The following CNTNAP5 variants were observed in gnomAD, a reference collection of about 807,000 sequenced individuals.
The protein encoded by CNTNAP5 is contactin associated protein family member 5, also known as contactin-associated protein-like 5.
A neutral mutation model predicts 150.2 loss-of-function variants in CNTNAP5; 72 were observed. The observed-to-expected ratio is 0.48, with a 90% CI of 0.40 to 0.58. The LOEUF is 0.58. CNTNAP5 is among the 20% of genes least tolerant of loss of function. The pLI, the probability that CNTNAP5 is intolerant of heterozygous loss-of-function variation, is 0.00. For synonymous variants in CNTNAP5, 672 were observed against 619.8 expected (o/e 1.08, Z -1.25); for missense variants, 1,636 against 1,626.2 (o/e 1.01, Z -0.10).
intron 19 of CNTNAP5, among the ~76,000 whole-genome samples, chr2:124,829,960 T>G (rs935257361): frequency 2.6e-5 from 4 of 151,518 alleles, no homozygotes; most frequent in Non-Finnish European, 5.9e-5. Context: ...ATTAATAACA[T>G]TTATAAAAAT....
intron 3 of CNTNAP5, among the ~76,000 whole-genome samples, chr2:124,302,750 T>C (rs1245334317): frequency 6.6e-6 from 1 of 152,206 alleles, no homozygotes; most frequent in Non-Finnish European, 1.5e-5. Flanking sequence ...CCCATTTTTG[T>C]CATCTGTAGA....
At chr2:124,447,397 G>A (rs1001143775) in intron 6 of CNTNAP5, among the ~76,000 whole-genome samples, 1 of 152,196 alleles carries the variant, frequency 6.6e-6, no homozygotes, top group African/African-American at 2.4e-5. Flanking sequence ...ACCGTGGCGA[G>A]CTGTTTCTTC....
At chr2:124,823,959 C>T (rs1210715472) in intron 19 of CNTNAP5, among the ~76,000 whole-genome samples, 1 of 142,000 alleles carries the variant, frequency 7.0e-6, no homozygotes, top group African/African-American at 2.7e-5. Flanking sequence ...ACTCTTGTTT[C>T]CCAGGCTGAA....
At chr2:124,792,088 C>A (rs1421738689) in intron 18 of CNTNAP5, among the ~76,000 whole-genome samples, 2 of 151,992 alleles carry the variant, frequency 1.3e-5, no homozygotes, top group Admixed American at 6.6e-5. Context: ...ATTGGGGCAG[C>A]CTTCCATGCT....
chr2:124,526,646 G>A (rs938914850), intron 9 of CNTNAP5, among the ~76,000 whole-genome samples: 1 of 152,130 alleles, frequency 6.6e-6, no homozygotes, highest in Non-Finnish European at 1.5e-5. Context: ...CTTTAAAAAG[G>A]TATAGTATTA....
chr2:124,063,721 C>A (rs1198788732), intron 1 of CNTNAP5, among the ~76,000 whole-genome samples: 16 of 152,114 alleles, frequency 1.1e-4, no homozygotes, highest in Admixed American at 8.5e-4. Flanking sequence ...TCCTGTAAGG[C>A]AAACCATTTC....
At chr2:124,107,072 C>T (rs1417214343) in intron 1 of CNTNAP5, among the ~76,000 whole-genome samples, 1 of 151,888 alleles carries the variant, frequency 6.6e-6, no homozygotes, top group Non-Finnish European at 1.5e-5. Flanking sequence ...GAGAAGCCAG[C>T]ACATCCAACC....
chr2:124,219,501 T>C (rs1210170639), intron 1 of CNTNAP5, among the ~76,000 whole-genome samples: 2 of 151,918 alleles, frequency 1.3e-5, no homozygotes, highest in Non-Finnish European at 2.9e-5. Context: ...TTACCTGAAA[T>C]AGGAGGATGG....
intron 11 of CNTNAP5, among the ~76,000 whole-genome samples, chr2:124,568,620 G>T (rs990949746): frequency 1.2e-4 from 19 of 152,120 alleles, no homozygotes; most frequent in Admixed American, 3.3e-4. Flanking sequence ...AGCCCAAGAC[G>T]TTTTTGTTTC....
chr2:124,106,173 G>C (rs1324297319), intron 1 of CNTNAP5, among the ~76,000 whole-genome samples: 3 of 152,128 alleles, frequency 2.0e-5, no homozygotes, highest in Non-Finnish European at 2.9e-5. Flanking sequence ...GTAGACTAAG[G>C]ATTCGAGAAG....
intron 5 of CNTNAP5, among the ~76,000 whole-genome samples, chr2:124,438,719 C>T (rs1692599382): frequency 1.3e-5 from 2 of 152,170 alleles, no homozygotes; most frequent in Admixed American, 1.3e-4. Context: ...AGTCAGCCAA[C>T]TCACACATAT....
chr2:124,730,094 T>C (rs1680239320), intron 13 of CNTNAP5, among the ~76,000 whole-genome samples: 1 of 152,100 alleles, frequency 6.6e-6, no homozygotes, highest in Admixed American at 6.6e-5. Context: ...TTTCTCGTGA[T>C]AGCAACAAAA....
intron 3 of CNTNAP5, among the ~76,000 whole-genome samples, chr2:124,311,505 A>T (rs1022961313): frequency 2.0e-5 from 3 of 152,140 alleles, no homozygotes; most frequent in Non-Finnish European, 2.9e-5. Flanking sequence ...TCTTTTTACA[A>T]GGACACCAAT....
intron 1 of CNTNAP5, among the ~76,000 whole-genome samples, chr2:124,103,462 T>C (rs1052798270): frequency 6.6e-6 from 1 of 152,148 alleles, no homozygotes. Context: ...GAGCAACTTC[T>C]AGCCCTATAA....
At chr2:124,075,703 C>T (rs1004319239) in intron 1 of CNTNAP5, among the ~76,000 whole-genome samples, 4 of 152,102 alleles carry the variant, frequency 2.6e-5, no homozygotes, top group African/African-American at 9.7e-5. Flanking sequence ...CACAACTACA[C>T]ATTTTGCTGT....
chr2:124,657,580 A>T (rs1432025980), intron 13 of CNTNAP5, among the ~76,000 whole-genome samples: 2 of 152,142 alleles, frequency 1.3e-5, no homozygotes, highest in Non-Finnish European at 2.9e-5. Flanking sequence ...GCCTGCAGCC[A>T]GAGTGATAAT....
At position 124,108,534 on chromosome 2, in the gene CNTNAP5, G is replaced by A. The variant is rs577110907; in HGVS notation, c.82+82802G>A. 2.1e-4 allele frequency among the ~76,000 whole-genome samples: 32 copies of A among 152,224 alleles called. 1 individual carries two copies. The South Asian group carries it at 5.6e-3, about 27-fold the overall frequency. ...TTAATATTTGTAACAGAGTTTGCACGTATGATACTGTTGCTCCCGTGCTCT... is the reference window on the plus strand; with the variant it reads ...TTAATATTTGTAACAGAGTTTGCACATATGATACTGTTGCTCCCGTGCTCT... On this transcript the variant is annotated intron_variant, in intron 1 of 23. Transcript: ENST00000682447.
At chr2:124,263,348 G>A (rs1687512577) in intron 3 of CNTNAP5, among the ~76,000 whole-genome samples, 1 of 152,150 alleles carries the variant, frequency 6.6e-6, no homozygotes, top group Admixed American at 6.5e-5. Flanking sequence ...ATTCTAACTG[G>A]TGTGAGATGG....
chr2:124,068,862 A>G (rs1214618802), intron 1 of CNTNAP5, among the ~76,000 whole-genome samples: 2 of 151,990 alleles, frequency 1.3e-5, no homozygotes. Context: ...GTAGGCCAGA[A>G]AGGAACGATC....
Sources: gnomAD v4.1 joint callset for allele counts (sites outside exome capture counted in the v4.1 genomes callset) on GRCh38, gnomAD v4.1.1 for gene constraint, MANE v1.5 for transcripts, NCBI Gene and HGNC (gene_info 2026-07-23, HGNC 2026-07-21) for gene names.